Variants in CCSER1 observed in about 807,000 individuals in gnomAD.
The protein encoded by CCSER1 is serine-rich coiled-coil domain-containing protein 1.
Under a neutral mutation model 82.0 loss-of-function variants are expected in CCSER1, and 41 were observed. The ratio of observed to expected loss-of-function variants is 0.50; its 90% CI spans 0.39 to 0.65. CCSER1 has a LOEUF of 0.65. CCSER1 is among the 30% of genes least tolerant of loss of function. The pLI is 0.00. For synonymous variants in CCSER1, 414 were observed against 383.9 expected (o/e 1.08, Z -0.92); for missense variants, 1,119 against 1,064.2 (o/e 1.05, Z -0.72).
chr4:91,376,475 C>T (rs1265686015), intron 10 of CCSER1, among the ~76,000 whole-genome samples: 1 of 152,246 alleles, frequency 6.6e-6, no homozygotes, highest in East Asian at 1.9e-4. Flanking sequence ...ACCACTGTCA[C>T]ATATGTGGTC....
chr4:91,094,144 CAGA>C lies in CCSER1; in HGVS notation c.2217+8154_2217+8156del, dbSNP rs1259335494. On this transcript the variant is annotated intron_variant, in intron 10 of 10. Transcript: ENST00000509176. The stretch of plus-strand genomic sequence containing the variant: ...ACCCATCTGCCGTGGAGTGTCCTAG[CAGA>C]AGATTGTCCACGTACTGGAGCAAGA... 1.4e-4 allele frequency among the ~76,000 whole-genome samples: 22 copies of C among 152,296 alleles called. No homozygotes were observed. The East Asian group carries it at 4.1e-3, about 28-fold the overall frequency.
intron 4 of CCSER1, among the ~76,000 whole-genome samples, chr4:90,459,465 G>A (rs2153582619): frequency 6.6e-6 from 1 of 152,174 alleles, no homozygotes; most frequent in Non-Finnish European, 1.5e-5. Context: ...TTGTCTTGGT[G>A]GCTTAAACAA....
intron 9 of CCSER1, among the ~76,000 whole-genome samples, chr4:90,944,015 C>A (rs1012370370): frequency 6.6e-6 from 1 of 151,836 alleles, no homozygotes; most frequent in African/African-American, 2.4e-5. Context: ...GGGCGGATTG[C>A]CTGAGCTCAG....
chr4:90,223,993 C>T (rs955475399), intron 1 of CCSER1, among the ~76,000 whole-genome samples: 11 of 152,136 alleles, frequency 7.2e-5, no homozygotes, highest in Non-Finnish European at 1.2e-4. Flanking sequence ...AAATATGTGT[C>T]GAATAACTGT....
At chr4:91,544,551 G>T (rs916624141) in intron 10 of CCSER1, among the ~76,000 whole-genome samples, 1 of 152,176 alleles carries the variant, frequency 6.6e-6, no homozygotes, top group Non-Finnish European at 1.5e-5. Flanking sequence ...TCAGCTGCAG[G>T]TCTGTTGGAG....
chr4:91,381,312 A>C (rs999236574), intron 10 of CCSER1, among the ~76,000 whole-genome samples: 1 of 152,164 alleles, frequency 6.6e-6, no homozygotes, highest in Admixed American at 6.5e-5. Flanking sequence ...AGATTGGGGA[A>C]GTTCTCCTGG....
At chr4:90,687,508 A>G (rs1735040805) in intron 6 of CCSER1, among the ~76,000 whole-genome samples, 1 of 152,066 alleles carries the variant, frequency 6.6e-6, no homozygotes, top group South Asian at 2.1e-4. Flanking sequence ...GGAAACCTGC[A>G]GTTGTCCTCA....
At chr4:90,908,928 C>A (rs1197496932) in intron 8 of CCSER1, among the ~76,000 whole-genome samples, 2 of 152,154 alleles carry the variant, frequency 1.3e-5, no homozygotes, top group African/African-American at 4.8e-5. Context: ...TAACAAAGTA[C>A]CACAAACTGG....
chr4:90,259,102 C>T (rs1394946479), intron 1 of CCSER1, among the ~76,000 whole-genome samples: 4 of 152,136 alleles, frequency 2.6e-5, no homozygotes, highest in Admixed American at 2.0e-4. Flanking sequence ...ATTGATTCTT[C>T]CTATCTATGA....
At chr4:91,040,779 A>G (rs1741893798) in intron 9 of CCSER1, among the ~76,000 whole-genome samples, 1 of 152,190 alleles carries the variant, frequency 6.6e-6, no homozygotes, top group African/African-American at 2.4e-5. Flanking sequence ...AAAACAAGGA[A>G]CTCAGGATGG....
At chr4:91,021,558 T>A (rs1739967749) in intron 9 of CCSER1, among the ~76,000 whole-genome samples, 1 of 152,230 alleles carries the variant, frequency 6.6e-6, no homozygotes, top group South Asian at 2.1e-4. Flanking sequence ...TAATTATTTT[T>A]CAATTTTTAT....
At chr4:90,390,509 A>G (rs1297989612) in intron 3 of CCSER1, among the ~76,000 whole-genome samples, 2 of 152,128 alleles carry the variant, frequency 1.3e-5, no homozygotes, top group African/African-American at 4.8e-5. Flanking sequence ...CCCAATGTTT[A>G]TCTCCCACTT....
At chr4:90,538,422 A>G (rs924162893) in intron 5 of CCSER1, among the ~76,000 whole-genome samples, 1 of 151,510 alleles carries the variant, frequency 6.6e-6, no homozygotes, top group Non-Finnish European at 1.5e-5. Context: ...TTTGCAGGGG[A>G]TATTATGGGA....
chr4:90,226,205 C>G (rs983579546), intron 1 of CCSER1, among the ~76,000 whole-genome samples: 1 of 152,200 alleles, frequency 6.6e-6, no homozygotes, highest in Non-Finnish European at 1.5e-5. Flanking sequence ...TATGTGAGAT[C>G]AGCAGAAAAG....
At chr4:91,580,046 T>C in intron 10 of CCSER1, among the ~76,000 whole-genome samples, 1 of 151,788 alleles carries the variant, frequency 6.6e-6, no homozygotes, top group East Asian at 1.9e-4. Flanking sequence ...TTGGGAATAA[T>C]GGAAAAAGCT....
At chr4:91,592,677 G>A (rs1764322098) in intron 10 of CCSER1, among the ~76,000 whole-genome samples, 1 of 151,930 alleles carries the variant, frequency 6.6e-6, no homozygotes, top group Non-Finnish European at 1.5e-5. Context: ...TTATAATGTT[G>A]ATATTTTCAT....
chr4:91,235,832 G>T (rs1022340852), intron 10 of CCSER1, among the ~76,000 whole-genome samples: 5 of 152,102 alleles, frequency 3.3e-5, no homozygotes, highest in African/African-American at 1.2e-4. Flanking sequence ...AGAATGATCA[G>T]AAATATTAGA....
intron 5 of CCSER1, among the ~76,000 whole-genome samples, chr4:90,518,968 A>G (rs1221727543): frequency 2.0e-5 from 3 of 151,942 alleles, no homozygotes. Context: ...TCCAATAAAT[A>G]CTATATCTTT....
chr4:91,331,239 T>G (rs1222371191), intron 10 of CCSER1, among the ~76,000 whole-genome samples: 1 of 152,170 alleles, frequency 6.6e-6, no homozygotes, highest in East Asian at 1.9e-4. Context: ...TTATTGCTAT[T>G]TCTTTAATAT....
Sources: allele counts gnomAD v4.1 joint callset (sites outside exome capture counted in the v4.1 genomes callset), GRCh38; gene constraint gnomAD v4.1.1; transcripts MANE v1.5; gene names NCBI Gene and HGNC (gene_info 2026-07-23, HGNC 2026-07-21).